The following MYH7 variants were observed in gnomAD, a reference collection of about 807,000 sequenced individuals.
MYH7 encodes myosin heavy chain 7.
In MYH7, 129 loss-of-function variants were observed where a neutral mutation model predicts 225.4. The ratio of observed to expected loss-of-function variants is 0.57; its 90% CI spans 0.50 to 0.66. The LOEUF is 0.66. Among genes scored for constraint, MYH7 ranks in the 30% least tolerant of loss-of-function variants. The pLI, the probability that MYH7 is intolerant of heterozygous loss-of-function variation, is 0.00. For missense variants in MYH7, 1,649 were observed against 2,517.0 expected, an observed-to-expected ratio of 0.66 and a Z score of 7.38; for synonymous variants, 971 against 1,007.6, an observed-to-expected ratio of 0.96 and a Z score of 0.69.
rs1224046641 is a variant in MYH7, at chr14:23,418,423, A to G, written c.3973-17T>C. 1 of 1,597,068 alleles carries G rather than the reference A, an allele frequency of 6.3e-7. No homozygotes were observed. The highest frequency in any genetic ancestry group is 8.5e-7 in the Non-Finnish European group (1 of 1,170,828). Reference sequence around the variant, plus strand: ...GTTCTTCGCCTGGGGAGGGGTGGGCACCAGGAGGTGGGTTCAGCTTTCTCC... The same window carrying G: ...GTTCTTCGCCTGGGGAGGGGTGGGCGCCAGGAGGTGGGTTCAGCTTTCTCC... On this transcript the variant is annotated splice_polypyrimidine_tract_variant and intron_variant, in intron 29 of 39. Transcript: ENST00000355349.
At chr14:23,414,754 G>A (rs552117035) in intron 37 of MYH7, among the ~76,000 whole-genome samples, 18 of 152,252 alleles carry the variant, frequency 1.2e-4, no homozygotes, top group Admixed American at 1.2e-3. Flanking sequence ...AATTCTGTGT[G>A]TGTCCCCTGG....
Position 23,424,063 on chromosome 14 carries a change from C to A in MYH7, c.2766G>T (p.Met922Ile), listed in dbSNP as rs138756911. ...KIQLEAKVKE[M>I]NERLEDEEEM... ...CCTCCTCATCCTCCAGCCTCTCGTT[C>A]ATCTCCTTCACCTTGGCCTCCAGCT... Residue 922 changes from methionine to isoleucine, a missense_variant, in exon 23 of 40, where the codon ATG becomes ATT. By Grantham distance (10) the Met-to-Ile change is conservative. Transcript: ENST00000355349. 2 of 1,614,254 alleles carry A rather than the reference C, an allele frequency of 1.2e-6. No individual in the cohort carries two copies. The highest frequency in any genetic ancestry group is 1.7e-6 in the Non-Finnish European group (2 of 1,180,046).
At chr14:23,423,155 AT>A (rs1892547860) in intron 24 of MYH7, among the ~76,000 whole-genome samples, 1 of 152,178 alleles carries the variant, frequency 6.6e-6, no homozygotes, top group Non-Finnish European at 1.5e-5. Flanking sequence ...AAATATTGGA[AT>A]TTCAAAAATT....
At chr14:23,427,115 G>C in intron 17 of MYH7, 125 bp downstream of exon 17, 1 of 977,928 alleles carries the variant, frequency 1.0e-6, no homozygotes, top group Admixed American at 1.8e-5. Flanking sequence ...GAGTGAAAAT[G>C]GTCCCGAATG....
At position 23,425,669 on chromosome 14, in the gene MYH7, T is replaced by C. The variant is rs1396167825; in HGVS notation, c.2286+26A>G. On this transcript the variant is annotated intron_variant, in intron 20 of 39. Coordinates refer to ENST00000355349, the MANE Select transcript of MYH7 (RefSeq NM_000257.4). The surrounding 1 kb of genome is among the most constrained non-coding windows in gnomAD (Gnocchi z 4.6). ...GTCAATGGAAAAGAGATGTCTTCCTTTAATTAATTAGTCTCCTTTCCTCAC... is the reference window on the plus strand; with the variant it reads ...GTCAATGGAAAAGAGATGTCTTCCTCTAATTAATTAGTCTCCTTTCCTCAC... 1 of 1,613,774 alleles carries C rather than the reference T, an allele frequency of 6.2e-7. No individual in the cohort carries two copies. Among genetic ancestry groups the C allele is most frequent in the African/African-American group, 1.3e-5 (1 of 74,892 alleles).
At chr14:23,421,867 G>A in intron 25 of MYH7, 1 of 776,488 alleles carries the variant, frequency 1.3e-6, no homozygotes, top group Non-Finnish European at 1.6e-6. Context: ...CTTCCTCCAT[G>A]TCAAGGAACT....
chr14:23,413,195 TGG>T (rs915816125), intron 39 of MYH7, among the ~76,000 whole-genome samples: 2 of 152,126 alleles, frequency 1.3e-5, no homozygotes, highest in South Asian at 4.2e-4. Context: ...AACTAGCAGT[TGG>T]GGGGAAACTG....
intron 25 of MYH7, chr14:23,421,873 G>T: frequency 1.4e-6 from 1 of 740,124 alleles, no homozygotes; most frequent in Non-Finnish European, 1.6e-6. Flanking sequence ...CCATGTCAAG[G>T]AACTGGTCTC....
chr14:23,432,391 C>T, intron 6 of MYH7, 88 bp downstream of exon 6: 1 of 1,543,276 alleles, frequency 6.5e-7, no homozygotes, highest in Non-Finnish European at 9.0e-7. Flanking sequence ...GAGGCTGAGT[C>T]TATGCCTCGG....
chr14:23,428,773 C>T (rs963702588), intron 14 of MYH7, 103 bp from the exon 15 acceptor site: 22 of 1,592,298 alleles, frequency 1.4e-5, no homozygotes, highest in African/African-American at 2.7e-5. Context: ...CGTGGCTGGT[C>T]CCCTCCATGT....
intron 27 of MYH7, 39 bp downstream of exon 27, chr14:23,419,806 A>G (rs1251571746): frequency 6.2e-7 from 1 of 1,614,014 alleles, no homozygotes; most frequent in Non-Finnish European, 8.5e-7. Flanking sequence ...GGGAGGTGGG[A>G]GGAGGAAGTT....
intron 24 of MYH7, 137 bp downstream of exon 24, chr14:23,423,410 C>T: frequency 8.1e-7 from 1 of 1,237,040 alleles, no homozygotes; most frequent in East Asian, 2.3e-5. Context: ...ATCCTCTAAC[C>T]CTACCCCCCT....
rs112907315 is a variant in MYH7, at chr14:23,433,083, C to T, written c.345+1G>A. Reference sequence around the variant, plus strand: ...AACGTAGGGCCAGGTGCAGCACTCACGTAGATCATCCAGGAGCCGTAGCGA... The same window carrying T: ...AACGTAGGGCCAGGTGCAGCACTCATGTAGATCATCCAGGAGCCGTAGCGA... On this transcript the variant is annotated splice_donor_variant, in intron 4 of 39. Coordinates refer to ENST00000355349, the MANE Select transcript of MYH7 (RefSeq NM_000257.4). LOFTEE classifies it high-confidence loss of function. The surrounding 1 kb of genome is among the most constrained non-coding windows in gnomAD (Gnocchi z 4.1). The T allele has an allele frequency of 1.1e-5, 18 of 1,613,970 alleles. No homozygotes were observed. The highest frequency in any genetic ancestry group is 2.2e-5 in the East Asian group (1 of 44,894).
intron 24 of MYH7, among the ~76,000 whole-genome samples, chr14:23,422,537 G>A (rs1463734432): frequency 1.3e-5 from 2 of 150,802 alleles, no homozygotes; most frequent in African/African-American, 2.5e-5. Flanking sequence ...AAATGACTGT[G>A]GGATGAAACC....
chr14:23,418,397 C>T lies in MYH7; in HGVS notation c.3982G>A (p.Ala1328Thr), dbSNP rs372727092. 2.9e-5 allele frequency: 46 copies of T among 1,606,482 alleles called. No individual in the cohort carries two copies. The Admixed American group carries it at 4.7e-4, about 16-fold the overall frequency. The change falls in exon 30 of 40, where the codon GCC (alanine) becomes ACC (threonine). Residue 1328 changes from alanine (A) to threonine (T), a missense_variant. Physicochemically the swap from Ala to Thr is moderately conservative, Grantham distance 58. Transcript: ENST00000355349. ...QLEEEVKAKN[A>T]LAHALQSARH... The stretch of plus-strand genomic sequence containing the variant: ...GCCGACTGCAGTGCGTGGGCCAGGG[C>T]GTTCTTCGCCTGGGGAGGGGTGGGC...
intron 28 of MYH7, 75 bp downstream of exon 28, chr14:23,419,408 G>C (rs200234670): frequency 1.3e-6 from 2 of 1,581,232 alleles, no homozygotes. Context: ...GTATTGGCTT[G>C]TGCCCGAGGC....
At position 23,415,987 on chromosome 14, in the gene MYH7, C is replaced by T. The variant is rs376604168; in HGVS notation, c.4953+17G>A. On this transcript the variant is annotated intron_variant, in intron 34 of 39. Transcript: ENST00000355349. This position sits in a 1 kb window ranked among gnomAD's most constrained non-coding sequence, Gnocchi z 6.3. Reference sequence around the variant, plus strand: ...TTCGCCAGGCCACGTGGAGGCCAGTCCCCTCTGGGTGAGTACCTTCAACAA... The same window carrying T: ...TTCGCCAGGCCACGTGGAGGCCAGTTCCCTCTGGGTGAGTACCTTCAACAA... 200 of 1,614,124 alleles carry T rather than the reference C, an allele frequency of 1.2e-4. 1 individual carries two copies. The Middle Eastern group carries it at 4.8e-3, about 39-fold the overall frequency.
intron 26 of MYH7, among the ~76,000 whole-genome samples, chr14:23,420,461 C>T (rs1892432426): frequency 6.6e-6 from 1 of 152,172 alleles, no homozygotes; most frequent in South Asian, 2.1e-4. Context: ...GAAACTTGCT[C>T]TTAAAGATGG....
intron 29 of MYH7, 37 bp from the exon 30 acceptor site, chr14:23,418,443 T>C: frequency 6.3e-7 from 1 of 1,575,510 alleles, no homozygotes; most frequent in Non-Finnish European, 8.6e-7. Flanking sequence ...GGGTTCAGCT[T>C]TCTCCATAAA....
Sources: gnomAD v4.1 joint callset for allele counts (sites outside exome capture counted in the v4.1 genomes callset) on GRCh38, gnomAD v4.1.1 for gene constraint, Gnocchi (gnomAD v3.1) non-coding constraint, MANE v1.5 for transcripts, NCBI Gene and HGNC (gene_info 2026-07-23, HGNC 2026-07-21) for gene names.